Variants in CELF2 observed in about 807,000 individuals in gnomAD.
CELF2 encodes the protein CUGBP Elav-like family member 2.
CELF2 carries 8 observed loss-of-function variants against 62.6 expected under a neutral mutation model. That is an observed-to-expected ratio of 0.13 (90% CI 0.07 to 0.23). The LOEUF is 0.23. Among genes scored for constraint, CELF2 ranks in the 10% least tolerant of loss-of-function variants. The pLI, the probability that CELF2 is intolerant of heterozygous loss-of-function variation, is 1.00. For missense variants in CELF2, 333 were observed against 671.0 expected, an observed-to-expected ratio of 0.50 and a Z score of 5.56; for synonymous variants, 258 against 250.0, an observed-to-expected ratio of 1.03 and a Z score of -0.30.
At chr10:11,030,881 G>A (rs557423769) in intron 1 of CELF2, 1 of 152,352 alleles carries the variant, frequency 6.6e-6, no homozygotes, top group African/African-American at 2.4e-5. Flanking sequence ...AGTGGATGGG[G>A]ACACCCAAGC....
At chr10:11,195,892 G>A (rs1339978436) in intron 2 of CELF2, among the ~76,000 whole-genome samples, 1 of 152,118 alleles carries the variant, frequency 6.6e-6, no homozygotes, top group Non-Finnish European at 1.5e-5. Flanking sequence ...AACCTAAGTT[G>A]GAAACATGGC....
chr10:10,713,762 C>G, the CELF2 span, among the ~76,000 whole-genome samples: 1 of 152,152 alleles, frequency 6.6e-6, no homozygotes, highest in Admixed American at 6.5e-5. Context: ...AGGCCGGGCA[C>G]GGTGGCTCAT....
chr10:10,695,029 G>A, the CELF2 span, among the ~76,000 whole-genome samples: 1 of 150,016 alleles, frequency 6.7e-6, no homozygotes, highest in African/African-American at 2.5e-5. Flanking sequence ...ATTGTTATGT[G>A]TGAATTTGAT....
In CELF2 at chr10:11,110,049, G is replaced by A. The variant is rs141527650; in HGVS notation, c.75-55437G>A. 1.9e-3 allele frequency among the ~76,000 whole-genome samples: 287 copies of A among 152,178 alleles called. 1 individual carries two copies. Among genetic ancestry groups the A allele is most frequent in the African/African-American group, 6.5e-3 (270 of 41,512 alleles). On this transcript the variant is annotated intron_variant, in intron 1 of 12. Coordinates refer to ENST00000633077, the MANE Select transcript of CELF2 (RefSeq NM_001326342.2). The surrounding 1 kb of genome is among the most constrained non-coding windows in gnomAD (Gnocchi z 4.0). The stretch of plus-strand genomic sequence containing the variant: ...TGAGGCAGGAGGATGGCTTGAGCTC[G>A]GGAGTTTGAGACCAGCTTGGGCAAC...
intron 8 of CELF2, among the ~76,000 whole-genome samples, chr10:11,276,887 G>T (rs981909688): frequency 6.6e-6 from 1 of 152,260 alleles, no homozygotes; most frequent in African/African-American, 2.4e-5. Context: ...TATCTGGGAA[G>T]TCACCTTACA....
intron 1 of CELF2, chr10:11,164,931 C>A: frequency 6.1e-6 from 2 of 326,532 alleles, no homozygotes; most frequent in African/African-American, 2.2e-5. Context: ...TCATCACCCG[C>A]ATCTTGCATT....
At chr10:11,235,616 TTTGTTTAGCAAA>T (rs1222151469) in intron 3 of CELF2, among the ~76,000 whole-genome samples, 2 of 152,200 alleles carry the variant, frequency 1.3e-5, no homozygotes, top group Non-Finnish European at 2.9e-5. Context: ...AGGAGAGCTC[TTTGTTTAGCAAA>T]ATACCAAGCA....
the CELF2 span, among the ~76,000 whole-genome samples, chr10:10,690,351 A>G: frequency 6.6e-6 from 1 of 152,218 alleles, no homozygotes; most frequent in Admixed American, 6.5e-5. Context: ...CATGTTTCCC[A>G]GTCTATCAGC....
chr10:11,292,287 G>T (rs1175038117), intron 9 of CELF2, among the ~76,000 whole-genome samples: 1 of 152,206 alleles, frequency 6.6e-6, no homozygotes, highest in Non-Finnish European at 1.5e-5. Flanking sequence ...TTTGGACGTT[G>T]TTCAGGCATT....
intron 2 of CELF2, among the ~76,000 whole-genome samples, chr10:11,170,593 T>C (rs1427552426): frequency 2.6e-5 from 4 of 151,636 alleles, no homozygotes; most frequent in Admixed American, 1.3e-4. Context: ...CCAGGAAGGG[T>C]AGCAGATATG....
At chr10:11,230,428 G>A (rs1023837548) in intron 3 of CELF2, among the ~76,000 whole-genome samples, 1 of 152,200 alleles carries the variant, frequency 6.6e-6, no homozygotes, top group Non-Finnish European at 1.5e-5. Flanking sequence ...GCACTGTAGG[G>A]CAACCCCGTT....
chr10:11,155,142 C>T (rs1264221323), intron 1 of CELF2, among the ~76,000 whole-genome samples: 2 of 152,328 alleles, frequency 1.3e-5, no homozygotes, highest in Middle Eastern at 3.4e-3. Context: ...TCTTTGTTGT[C>T]TCATTTTGAA....
chr10:10,543,684 TA>T, the CELF2 span, among the ~76,000 whole-genome samples: 2 of 151,922 alleles, frequency 1.3e-5, no homozygotes, highest in Non-Finnish European at 2.9e-5. Context: ...TCATCTCTTC[TA>T]AAAATACAAA....
rs761719507 is a variant in CELF2 at position 10,861,192 on chromosome 10, C to T, written c.54-58772C>T. Among the ~76,000 whole-genome samples the T allele has an allele frequency of 2.0e-5, 3 of 152,254 alleles. No individual in the cohort carries two copies. The South Asian group carries it at 6.2e-4, about 32-fold the overall frequency. On this transcript the variant is annotated intron_variant, in intron 1 of 13. Transcript: ENST00000636488. ...CTCTGCCTTGGGCTCAAGTGATCCT[C>T]CCACCTCAGTATCTTGGACTACAGG...
chr10:10,568,571 A>G, the CELF2 span, among the ~76,000 whole-genome samples: 2 of 152,318 alleles, frequency 1.3e-5, no homozygotes, highest in East Asian at 3.9e-4. Context: ...ATATAATGGA[A>G]TCTGGTGCAG....
chr10:10,569,662 A>C, the CELF2 span, among the ~76,000 whole-genome samples: 9 of 152,210 alleles, frequency 5.9e-5, no homozygotes, highest in African/African-American at 2.2e-4. Flanking sequence ...GAGGAATTCA[A>C]TGCAAAGAAT....
At chr10:11,326,373 C>G (rs1190910655) in intron 12 of CELF2, among the ~76,000 whole-genome samples, 2 of 152,252 alleles carry the variant, frequency 1.3e-5, no homozygotes, top group Non-Finnish European at 2.9e-5. Flanking sequence ...TCAGCACCAA[C>G]ACATCCATGT....
chr10:10,731,947 GC>G, the CELF2 span, among the ~76,000 whole-genome samples: 3 of 152,022 alleles, frequency 2.0e-5, no homozygotes, highest in African/African-American at 7.3e-5. Flanking sequence ...CCTCATCTTT[GC>G]ACCCTCTTGA....
At chr10:11,118,480 G>C (rs750794207) in intron 1 of CELF2, among the ~76,000 whole-genome samples, 2 of 152,056 alleles carry the variant, frequency 1.3e-5, no homozygotes, top group Non-Finnish European at 2.9e-5. Flanking sequence ...CCAAAGCTTT[G>C]AGTAACAATG....
Sources: allele counts gnomAD v4.1 joint callset (sites outside exome capture counted in the v4.1 genomes callset), GRCh38; gene constraint gnomAD v4.1.1; non-coding constraint Gnocchi (gnomAD v3.1); transcripts MANE v1.5; gene names NCBI Gene and HGNC (gene_info 2026-07-23, HGNC 2026-07-21).